SNRPD3: variants seen among roughly 807,000 people sequenced by gnomAD.
SNRPD3 encodes the protein small nuclear ribonucleoprotein Sm D3.
For synonymous variants in SNRPD3, 66 were observed against 58.4 expected (o/e 1.13, Z -0.59); for missense variants, 73 against 167.5 (o/e 0.44, Z 3.11).
chr22:24,555,823 C>T (rs1032791612), upstream of SNRPD3: 2 of 1,545,808 alleles, frequency 1.3e-6, no homozygotes, highest in Non-Finnish European at 1.7e-6. Context: ...CGGGCCCAGT[C>T]ATCAGCCCTC....
chr22:24,568,264 G>A, intron 3 of SNRPD3, 88 bp downstream of exon 3: 3 of 1,017,476 alleles, frequency 2.9e-6, no homozygotes, highest in South Asian at 1.6e-5. Context: ...GAGACAGAGA[G>A]GGTTTGACCT....
rs2045275083 is a variant in SNRPD3, at chr22:24,574,643, G to A, written c.*2666G>A. Among the ~76,000 whole-genome samples, 1 of 152,188 alleles carries A rather than the reference G, an allele frequency of 6.6e-6. No individual in the cohort carries two copies. The highest frequency in any genetic ancestry group is 2.1e-4 in the South Asian group (1 of 4,830). On this transcript the variant is annotated 3_prime_UTR_variant, in exon 4 of 4. Coordinates refer to ENST00000215829, the MANE Select transcript of SNRPD3 (RefSeq NM_004175.5). ...GCAGCCTCAACCTTCTCGGGCTCAG[G>A]TGATTCTCCCACCTCAGCCTCCTGA...
intron 2 of SNRPD3, among the ~76,000 whole-genome samples, chr22:24,564,264 T>A (rs1465129629): frequency 6.6e-6 from 1 of 152,166 alleles, no homozygotes; most frequent in Admixed American, 6.5e-5. Context: ...GAGCTAGCTT[T>A]CTCCATCTTG....
At position 24,557,671 on chromosome 22, in the gene SNRPD3, C is replaced by G; in HGVS notation, c.-4C>G. The G allele has an allele frequency of 6.2e-7, 1 of 1,611,938 alleles. No individual in the cohort carries two copies. The highest frequency in any genetic ancestry group is 8.5e-7 in the Non-Finnish European group (1 of 1,178,782). ...TCTCATTGTAGAACTCTCTTCCTGC[C>G]AAGATGTCTATTGGTGTGCCGATTA... On this transcript the variant is annotated 5_prime_UTR_variant, in exon 2 of 4. Coordinates refer to ENST00000215829, the MANE Select transcript of SNRPD3 (RefSeq NM_004175.5).
chr22:24,564,806 A>G (rs2045179902), intron 2 of SNRPD3, among the ~76,000 whole-genome samples: 1 of 152,102 alleles, frequency 6.6e-6, no homozygotes, highest in African/African-American at 2.4e-5. Context: ...TTTAGCTGTC[A>G]ATCAGATTTA....
rs963595481 is a variant in SNRPD3 at position 24,573,692 on chromosome 22, A to C, written c.*1715A>C. On this transcript the variant is annotated 3_prime_UTR_variant, in exon 4 of 4. Coordinates refer to ENST00000215829, the MANE Select transcript of SNRPD3 (RefSeq NM_004175.5). The stretch of plus-strand genomic sequence containing the variant: ...GAGTTTGAGACTAGCCTGGGCTGTT[A>C]AGCTTTGTTAACCAAGACCGCATCT... Among the ~76,000 whole-genome samples, 2 of 152,134 alleles carry C rather than the reference A, an allele frequency of 1.3e-5. No individual in the cohort carries two copies. Among genetic ancestry groups the C allele is most frequent in the South Asian group, 2.1e-4 (1 of 4,824 alleles).
intron 3 of SNRPD3, among the ~76,000 whole-genome samples, chr22:24,571,439 T>C (rs2045248744): frequency 6.6e-6 from 1 of 152,062 alleles, no homozygotes; most frequent in Middle Eastern, 3.2e-3. Flanking sequence ...ATCCCCCCTG[T>C]TAAATGCAGT....
At chr22:24,566,792 G>A (rs916358324) in intron 2 of SNRPD3, among the ~76,000 whole-genome samples, 2 of 152,198 alleles carry the variant, frequency 1.3e-5, no homozygotes, top group African/African-American at 4.8e-5. Context: ...TGAGGTTGAT[G>A]CTGGCAGATT....
chr22:24,574,287 A>T lies in SNRPD3; in HGVS notation c.*2310A>T, dbSNP rs1229390546. 6.6e-6 allele frequency among the ~76,000 whole-genome samples: 1 copy of T among 152,214 alleles called. No homozygotes were observed. The highest frequency in any genetic ancestry group is 1.5e-5 in the Non-Finnish European group (1 of 68,032). ...CTGGCTATAACCCTACCTAGATCTG[A>T]AAAGTGAAGGGGGATCAACCTAAAA... On this transcript the variant is annotated 3_prime_UTR_variant, in exon 4 of 4. Coordinates refer to ENST00000215829, the MANE Select transcript of SNRPD3 (RefSeq NM_004175.5).
chr22:24,567,694 C>T (rs963893166), intron 2 of SNRPD3, among the ~76,000 whole-genome samples: 13 of 151,810 alleles, frequency 8.6e-5, no homozygotes, highest in Admixed American at 2.0e-4. Context: ...CACGGTTAGC[C>T]GAGATTGCAC....
intron 2 of SNRPD3, 95 bp downstream of exon 2, chr22:24,557,895 C>T (rs2045095043): frequency 1.5e-6 from 2 of 1,293,214 alleles, no homozygotes; most frequent in South Asian, 1.5e-5. Flanking sequence ...AAATTGTTCT[C>T]ATTCAGCAGT....
chr22:24,562,882 A>G (rs1276794174), intron 2 of SNRPD3, among the ~76,000 whole-genome samples: 4 of 152,244 alleles, frequency 2.6e-5, no homozygotes, highest in African/African-American at 7.2e-5. Flanking sequence ...TTAAGCAGGG[A>G]AGATCATCAG....
intron 2 of SNRPD3, among the ~76,000 whole-genome samples, chr22:24,565,741 A>G (rs766684697): frequency 6.6e-6 from 1 of 151,778 alleles, no homozygotes; most frequent in African/African-American, 2.4e-5. Flanking sequence ...GCTCACTGCA[A>G]CCTCTACCTC....
chr22:24,561,881 C>T (rs1460942984), intron 2 of SNRPD3, among the ~76,000 whole-genome samples: 2 of 113,312 alleles, frequency 1.8e-5, no homozygotes, highest in African/African-American at 6.4e-5. Context: ...TGCCTGTAGT[C>T]CCAGCCATTC....
intron 1 of SNRPD3, among the ~76,000 whole-genome samples, chr22:24,557,296 C>T (rs1008697265): frequency 8.5e-5 from 13 of 152,180 alleles, no homozygotes; most frequent in Admixed American, 2.0e-4. Flanking sequence ...AACAGTGCAA[C>T]AAATTAACAT....
intron 2 of SNRPD3, among the ~76,000 whole-genome samples, chr22:24,559,011 C>T (rs1036686493): frequency 1.3e-5 from 2 of 152,214 alleles, no homozygotes; most frequent in Non-Finnish European, 2.9e-5. Flanking sequence ...AGGACTTTTA[C>T]AAAGATCAGA....
At chr22:24,559,842 T>C (rs1301896452) in intron 2 of SNRPD3, among the ~76,000 whole-genome samples, 4 of 152,090 alleles carry the variant, frequency 2.6e-5, no homozygotes, top group Non-Finnish European at 2.9e-5. Flanking sequence ...ACAAATTTAT[T>C]TTCTCATAGT....
intron 3 of SNRPD3, among the ~76,000 whole-genome samples, chr22:24,568,492 T>C (rs1300255943): frequency 5.3e-5 from 8 of 152,036 alleles, no homozygotes; most frequent in Admixed American, 5.2e-4. Context: ...CAGTGCGCAC[T>C]GCCCTGCCTA....
chr22:24,566,218 G>C (rs1483085276), intron 2 of SNRPD3, among the ~76,000 whole-genome samples: 1 of 152,200 alleles, frequency 6.6e-6, no homozygotes, highest in Non-Finnish European at 1.5e-5. Flanking sequence ...AGAAGCTCTA[G>C]AAACCATTCC....
Sources: gnomAD v4.1 joint callset for allele counts (sites outside exome capture counted in the v4.1 genomes callset) on GRCh38, gnomAD v4.1.1 for gene constraint, MANE v1.5 for transcripts, NCBI Gene and HGNC (gene_info 2026-07-23, HGNC 2026-07-21) for gene names.